The following MYO3A variants were observed in gnomAD, a reference collection of about 807,000 sequenced individuals.
The protein encoded by MYO3A is myosin IIIA.
In MYO3A, 180 loss-of-function variants were observed where a neutral mutation model predicts 192.7. The observed-to-expected ratio is 0.93, with a 90% CI of 0.83 to 1.06. The LOEUF is 1.06. Ranked by LOEUF, MYO3A falls within the 50% of genes least tolerant of loss-of-function variation. MYO3A has a pLI of 0.00. For missense variants in MYO3A, 1,896 were observed against 1,905.0 expected (o/e 1.00, Z 0.09); for synonymous variants, 628 against 645.3 (o/e 0.97, Z 0.41).
At chr10:25,958,560 C>G (rs1837715142) in intron 4 of MYO3A, among the ~76,000 whole-genome samples, 1 of 152,016 alleles carries the variant, frequency 6.6e-6, no homozygotes, top group Non-Finnish European at 1.5e-5. Context: ...TTAGGATTGC[C>G]TTGGCTATTC....
At chr10:26,073,478 A>AGAATGGCATGAACCTGGGAGACGT (rs1026735935) in intron 14 of MYO3A, among the ~76,000 whole-genome samples, 13 of 151,902 alleles carry the variant, frequency 8.6e-5, no homozygotes, top group Non-Finnish European at 1.8e-4. Context: ...CTGAGGCAGG[A>AGAATGGCATGAACCTGGGAGACGT]GAATGGCATG....
At chr10:25,947,619 C>G (rs1162408242) in intron 2 of MYO3A, among the ~76,000 whole-genome samples, 2 of 151,978 alleles carry the variant, frequency 1.3e-5, no homozygotes, top group African/African-American at 2.4e-5. Context: ...TCTCGAACTC[C>G]CGACCTCAGG....
At chr10:26,082,058 T>C (rs1014295580) in intron 14 of MYO3A, among the ~76,000 whole-genome samples, 38 of 152,254 alleles carry the variant, frequency 2.5e-4, no homozygotes, top group African/African-American at 8.7e-4. Context: ...TTTCTGGAGC[T>C]GCAATCTAGT....
intron 32 of MYO3A, among the ~76,000 whole-genome samples, chr10:26,199,291 A>G (rs1272084240): frequency 6.6e-6 from 1 of 152,186 alleles, no homozygotes; most frequent in East Asian, 1.9e-4. Context: ...AGCGGCTCAC[A>G]CCTGTAATCC....
chr10:26,107,492 A>C (rs1417008529), intron 17 of MYO3A, among the ~76,000 whole-genome samples: 1 of 151,882 alleles, frequency 6.6e-6, no homozygotes, highest in Non-Finnish European at 1.5e-5. Context: ...AAAAAAAAAA[A>C]AAAAAAAAGA....
At chr10:26,105,182 T>C (rs1837722365) in intron 17 of MYO3A, among the ~76,000 whole-genome samples, 1 of 152,188 alleles carries the variant, frequency 6.6e-6, no homozygotes, top group Admixed American at 6.5e-5. Flanking sequence ...AAGTATGTCC[T>C]TATTGACTGG....
intron 10 of MYO3A, among the ~76,000 whole-genome samples, chr10:26,054,486 C>CA (rs1844197984): frequency 6.6e-6 from 1 of 152,098 alleles, no homozygotes; most frequent in South Asian, 2.1e-4. Context: ...TTTCCATTTG[C>CA]CTTTCTAGAT....
At chr10:26,168,291 G>A (rs1201030957) in intron 27 of MYO3A, among the ~76,000 whole-genome samples, 1 of 151,964 alleles carries the variant, frequency 6.6e-6, no homozygotes, top group East Asian at 1.9e-4. Flanking sequence ...ATTAACTAAC[G>A]GAACTATAAT....
intron 31 of MYO3A, among the ~76,000 whole-genome samples, chr10:26,181,314 A>C (rs930042092): frequency 7.9e-5 from 12 of 152,208 alleles, no homozygotes; most frequent in Non-Finnish European, 1.5e-4. Context: ...TCTGCTTAGA[A>C]AGGACAAACT....
intron 15 of MYO3A, among the ~76,000 whole-genome samples, chr10:26,089,289 T>C (rs1302985101): frequency 6.6e-6 from 1 of 152,078 alleles, no homozygotes; most frequent in Non-Finnish European, 1.5e-5. Flanking sequence ...GGAAAATTAC[T>C]CTTTGGTCTT....
At chr10:26,057,362 A>C (rs1834175585) in intron 10 of MYO3A, among the ~76,000 whole-genome samples, 1 of 152,178 alleles carries the variant, frequency 6.6e-6, no homozygotes, top group Non-Finnish European at 1.5e-5. Context: ...CAATAGACAA[A>C]TTAGTAGGGT....
chr10:26,203,245 T>A, intron 34 of MYO3A, 138 bp downstream of exon 34: 2 of 1,000,400 alleles, frequency 2.0e-6, no homozygotes, highest in Non-Finnish European at 3.0e-6. Context: ...ATATGGTGTT[T>A]AAAAGTAATG....
At chr10:26,080,225 A>G (rs974291014) in intron 14 of MYO3A, among the ~76,000 whole-genome samples, 4 of 152,010 alleles carry the variant, frequency 2.6e-5, no homozygotes, top group Non-Finnish European at 5.9e-5. Context: ...ATATTTTCTT[A>G]TTCTTTTTTC....
At chr10:26,145,608 A>G (rs1840415845) in intron 22 of MYO3A, 74 bp downstream of exon 22, 10 of 1,145,726 alleles carry the variant, frequency 8.7e-6, no homozygotes, top group Non-Finnish European at 1.3e-5. Flanking sequence ...CATGAAAATT[A>G]TGGCCCAAAA....
At chr10:25,980,997 T>C (rs1016873368) in intron 4 of MYO3A, among the ~76,000 whole-genome samples, 37 of 152,326 alleles carry the variant, frequency 2.4e-4, no homozygotes, top group African/African-American at 8.9e-4. Flanking sequence ...GTTGTACCTA[T>C]TCATCCCTCC....
intron 21 of MYO3A, among the ~76,000 whole-genome samples, chr10:26,144,043 A>G (rs534370693): frequency 2.5e-4 from 38 of 152,286 alleles, no homozygotes; most frequent in Admixed American, 1.6e-3. Flanking sequence ...AATAACCTCT[A>G]AGTTACAGTA....
chr10:26,192,480 G>A (rs1169087410), intron 31 of MYO3A, among the ~76,000 whole-genome samples: 1 of 152,092 alleles, frequency 6.6e-6, no homozygotes, highest in African/African-American at 2.4e-5. Context: ...AAGGGGGAGG[G>A]AAGGGACAGA....
chr10:26,070,543 A>T, intron 14 of MYO3A, 142 bp downstream of exon 14: 1 of 797,626 alleles, frequency 1.3e-6, no homozygotes, highest in Non-Finnish European at 2.0e-6. Context: ...ATCCTTTGAG[A>T]GTTTAAAATA....
At chr10:26,203,206 C>A in intron 34 of MYO3A, 99 bp downstream of exon 34, 1 of 1,286,582 alleles carries the variant, frequency 7.8e-7, no homozygotes, top group Non-Finnish European at 1.1e-6. Flanking sequence ...TGACAAAGCA[C>A]TCTTACTGAA....
Sources: allele counts gnomAD v4.1 joint callset (sites outside exome capture counted in the v4.1 genomes callset), GRCh38; gene constraint gnomAD v4.1.1; transcripts MANE v1.5; gene names NCBI Gene and HGNC (gene_info 2026-07-23, HGNC 2026-07-21).